The following ZDHHC6 variants were observed in gnomAD, a reference collection of about 807,000 sequenced individuals.
The protein encoded by ZDHHC6 is zDHHC palmitoyltransferase 6.
ZDHHC6 carries 32 observed loss-of-function variants against 57.8 expected under a neutral mutation model. The observed-to-expected ratio is 0.55, with a 90% confidence interval of 0.42 to 0.74. The LOEUF (loss-of-function observed/expected upper bound fraction) is 0.74. ZDHHC6 is among the 30% of genes least tolerant of loss of function. The pLI is 0.00. For synonymous variants in ZDHHC6, 128 were observed against 158.0 expected, an observed-to-expected ratio of 0.81 and a Z score of 1.42; for missense variants, 433 against 500.7, an observed-to-expected ratio of 0.86 and a Z score of 1.29.
At chr10:112,437,135 T>C (rs1270328126) in intron 6 of ZDHHC6, among the ~76,000 whole-genome samples, 6 of 151,726 alleles carry the variant, frequency 4.0e-5, no homozygotes, top group Non-Finnish European at 7.4e-5. Flanking sequence ...AAATGTATAC[T>C]AGAATTACAA....
At chr10:112,437,063 A>T (rs1845612341) in intron 6 of ZDHHC6, among the ~76,000 whole-genome samples, 1 of 152,176 alleles carries the variant, frequency 6.6e-6, no homozygotes, top group African/African-American at 2.4e-5. Context: ...ACGAACAGTC[A>T]GGCAGTCACT....
downstream of ZDHHC6, chr10:112,426,404 C>G (rs375519939): frequency 3.3e-6 from 5 of 1,527,242 alleles, no homozygotes; most frequent in South Asian, 5.6e-5. Flanking sequence ...ATGGGCCCAT[C>G]GTGGAGGAGA....
chr10:112,425,557 A>G (rs1375842149), downstream of ZDHHC6: 1 of 1,152,144 alleles, frequency 8.7e-7, no homozygotes, highest in East Asian at 2.8e-5. Flanking sequence ...AAATTTGTAT[A>G]GTTGGGTTCA....
At chr10:112,438,524 AC>A in intron 5 of ZDHHC6, 135 bp from the exon 6 acceptor site, 1 of 658,260 alleles carries the variant, frequency 1.5e-6, no homozygotes, top group Non-Finnish European at 2.3e-6. Flanking sequence ...GAGGTTAAGT[AC>A]CACAATTACC....
downstream of ZDHHC6, chr10:112,426,180 T>TTA: frequency 8.9e-7 from 1 of 1,118,098 alleles, no homozygotes; most frequent in Non-Finnish European, 1.3e-6. Context: ...ATGACATAAT[T>TTA]CTGCTTTATT....
chr10:112,434,185 G>T, intron 7 of ZDHHC6, 112 bp downstream of exon 7: 1 of 1,071,026 alleles, frequency 9.3e-7, no homozygotes, highest in Non-Finnish European at 1.3e-6. Flanking sequence ...TTTTGACATA[G>T]TGAAAACATT....
downstream of ZDHHC6, among the ~76,000 whole-genome samples, chr10:112,429,331 C>A (rs1226926582): frequency 6.6e-6 from 1 of 152,218 alleles, no homozygotes; most frequent in African/African-American, 2.4e-5. Context: ...GACACAGGTC[C>A]AGCCTGTTTT....
chr10:112,428,743 C>A (rs1406371670), downstream of ZDHHC6, among the ~76,000 whole-genome samples: 2 of 150,540 alleles, frequency 1.3e-5, no homozygotes, highest in East Asian at 3.9e-4. Flanking sequence ...TGCATTCCAG[C>A]CTGGGTGAAA....
chr10:112,441,420 G>A (rs567275488), intron 4 of ZDHHC6, among the ~76,000 whole-genome samples: 10 of 152,348 alleles, frequency 6.6e-5, no homozygotes, highest in Admixed American at 5.2e-4. Flanking sequence ...AAATGGTGAT[G>A]AAGAACTGAT....
At chr10:112,429,757 C>T (rs1844872035), downstream of ZDHHC6, among the ~76,000 whole-genome samples, 1 of 152,216 alleles carries the variant, frequency 6.6e-6, no homozygotes, top group African/African-American at 2.4e-5. Context: ...TAGAACACTA[C>T]TGCCACGGGA....
chr10:112,425,892 A>C (rs1436467192), downstream of ZDHHC6, among the ~76,000 whole-genome samples: 1 of 152,208 alleles, frequency 6.6e-6, no homozygotes, highest in African/African-American at 2.4e-5. Context: ...TATACATACT[A>C]TGCTTAAACG....
chr10:112,436,633 CATA>C (rs1415925445), intron 6 of ZDHHC6, among the ~76,000 whole-genome samples: 1 of 152,182 alleles, frequency 6.6e-6, no homozygotes, highest in Non-Finnish European at 1.5e-5. Flanking sequence ...AAGCTATTTT[CATA>C]ATAATACTGA....
chr10:112,425,006 A>T (rs1192580980), exon 12 of ZDHHC6: 1 of 179,338 alleles, frequency 5.6e-6, no homozygotes, highest in Non-Finnish European at 1.2e-5. Context: ...AGTTCTGAAA[A>T]TGAACTAATT....
intron 6 of ZDHHC6, 101 bp downstream of exon 6, chr10:112,438,235 G>C: frequency 1.1e-6 from 1 of 877,684 alleles, no homozygotes; most frequent in Non-Finnish European, 1.5e-6. Context: ...GGCACTTTTC[G>C]TTAATCCGGT....
rs1002398407 is a variant in ZDHHC6, at chr10:112,445,197, C to T, written c.240G>A (p.Pro80=). 4 of 1,613,668 alleles carry T rather than the reference C, an allele frequency of 2.5e-6. No individual in the cohort carries two copies. The highest frequency in any genetic ancestry group is 3.4e-6 in the Non-Finnish European group (4 of 1,179,734). The change falls in exon 2 of 11, where the codon CCG becomes CCA. Residue 80 remains proline (P), a synonymous_variant. Transcript: ENST00000369405. The stretch of plus-strand genomic sequence containing the variant: ...GTTTCCACCCCAGAGGGACAAAGCC[C>T]GGACCGACAAACATGGCATTGAAGT... The part of the protein sequence containing the change: ...YNYFNAMFVG[P]GFVPLGWKPE...
upstream of ZDHHC6, chr10:112,447,482 C>A: frequency 6.2e-7 from 1 of 1,612,006 alleles, no homozygotes; most frequent in Non-Finnish European, 8.5e-7. Context: ...GAGCCTTGCC[C>A]GGCTGGACGA....
chr10:112,438,815 TCA>T (rs1400397898), intron 5 of ZDHHC6, among the ~76,000 whole-genome samples: 5 of 152,238 alleles, frequency 3.3e-5, no homozygotes, highest in Non-Finnish European at 2.9e-5. Flanking sequence ...GTGACTCATT[TCA>T]GTCAACCTCA....
At chr10:112,429,843 G>C (rs1353930559), downstream of ZDHHC6, among the ~76,000 whole-genome samples, 1 of 152,194 alleles carries the variant, frequency 6.6e-6, no homozygotes, top group Non-Finnish European at 1.5e-5. Flanking sequence ...CTAGGCGGCA[G>C]GGCGCTGGTG....
chr10:112,439,628 T>TAAAAAAAAAAAAAAAAAAAAAA (rs869272293), intron 5 of ZDHHC6, among the ~76,000 whole-genome samples: 25 of 31,306 alleles, frequency 8.0e-4, no homozygotes, highest in South Asian at 1.8e-3. Flanking sequence ...AGACTCCGTC[T>TAAAAAAAAAAAAAAAAAAAAAA]AAAAAAAAAA....
Sources: allele counts gnomAD v4.1 joint callset (sites outside exome capture counted in the v4.1 genomes callset), GRCh38; gene constraint gnomAD v4.1.1; transcripts MANE v1.5; gene names NCBI Gene and HGNC (gene_info 2026-07-23, HGNC 2026-07-21).